Variants in GPC5 observed in about 807,000 individuals in gnomAD.
GPC5 encodes the protein glypican 5.
A neutral mutation model predicts 53.9 loss-of-function variants in GPC5; 47 were observed. The observed-to-expected ratio is 0.87, with a 90% CI of 0.69 to 1.11. The LOEUF is 1.11. Ranked by LOEUF, GPC5 falls within the 50% of genes most tolerant of loss-of-function variation. The pLI, the probability that GPC5 is intolerant of heterozygous loss-of-function variation, is 0.00. For synonymous variants in GPC5, 286 were observed against 263.3 expected (o/e 1.09, Z -0.84); for missense variants, 748 against 713.1 (o/e 1.05, Z -0.56).
chr13:91,701,323 A>G (rs1181956895), intron 3 of GPC5, among the ~76,000 whole-genome samples: 4 of 152,040 alleles, frequency 2.6e-5, no homozygotes, highest in African/African-American at 7.2e-5. Flanking sequence ...TGTCTAATTG[A>G]AACTTCTTAC....
At chr13:92,115,267 G>C (rs926320924) in intron 6 of GPC5, among the ~76,000 whole-genome samples, 2 of 152,142 alleles carry the variant, frequency 1.3e-5, no homozygotes, top group African/African-American at 4.8e-5. Flanking sequence ...CCAACACTTC[G>C]GGAGGCCGAG....
chr13:91,652,380 G>A (rs562967811), intron 2 of GPC5, among the ~76,000 whole-genome samples: 2 of 152,066 alleles, frequency 1.3e-5, no homozygotes, highest in Non-Finnish European at 2.9e-5. Flanking sequence ...TATTAAGTGG[G>A]GAACTTTTAC....
chr13:91,546,407 A>C (rs1220106426), intron 2 of GPC5, among the ~76,000 whole-genome samples: 1 of 152,146 alleles, frequency 6.6e-6, no homozygotes, highest in Non-Finnish European at 1.5e-5. Context: ...ATTATAAGGC[A>C]GACCTTAAAT....
chr13:92,822,696 C>T (rs1170462601), intron 7 of GPC5, among the ~76,000 whole-genome samples: 3 of 151,980 alleles, frequency 2.0e-5, no homozygotes, highest in Admixed American at 6.6e-5. Flanking sequence ...GCATCACGTA[C>T]TTGGATAAAG....
chr13:92,054,017 A>G (rs1480393311), intron 6 of GPC5, among the ~76,000 whole-genome samples: 1 of 146,254 alleles, frequency 6.8e-6, no homozygotes. Flanking sequence ...GGGCAAGAAG[A>G]GTGAAATTCC....
intron 7 of GPC5, among the ~76,000 whole-genome samples, chr13:92,791,425 G>C (rs1007600857): frequency 7.7e-6 from 1 of 129,952 alleles, no homozygotes; most frequent in Admixed American, 7.9e-5. Context: ...GTGAGTGTGT[G>C]GGGGGGGGCG....
chr13:91,844,977 A>G (rs1392339361), intron 5 of GPC5, among the ~76,000 whole-genome samples: 2 of 152,176 alleles, frequency 1.3e-5, no homozygotes, highest in African/African-American at 4.8e-5. Context: ...TTAATATTGA[A>G]GAGTTGTAAT....
intron 2 of GPC5, among the ~76,000 whole-genome samples, chr13:91,466,920 G>A (rs896513251): frequency 6.6e-6 from 1 of 152,174 alleles, no homozygotes; most frequent in East Asian, 1.9e-4. Flanking sequence ...TGTTTATTTA[G>A]TATATATTGA....
At chr13:92,660,817 A>G (rs1300532434) in intron 7 of GPC5, among the ~76,000 whole-genome samples, 2 of 152,204 alleles carry the variant, frequency 1.3e-5, no homozygotes, top group African/African-American at 2.4e-5. Flanking sequence ...GTATTTCCCA[A>G]TACAGTATTA....
chr13:91,728,185 T>C (rs77592259), intron 3 of GPC5, among the ~76,000 whole-genome samples: 2 of 152,140 alleles, frequency 1.3e-5, no homozygotes, highest in Admixed American at 6.5e-5. Context: ...AGGACAAGTA[T>C]GTGATTAGTT....
At chr13:92,247,675 G>T (rs1777189224) in intron 7 of GPC5, among the ~76,000 whole-genome samples, 1 of 152,120 alleles carries the variant, frequency 6.6e-6, no homozygotes, top group Admixed American at 6.6e-5. Flanking sequence ...AGTGATTTGT[G>T]TGTGTCTGTG....
chr13:91,744,579 G>T (rs1242461867), intron 4 of GPC5, among the ~76,000 whole-genome samples: 2 of 152,102 alleles, frequency 1.3e-5, no homozygotes, highest in East Asian at 3.8e-4. Flanking sequence ...AGGTAAACAG[G>T]AATATCTGAT....
At chr13:92,213,603 G>A (rs2042390347) in intron 7 of GPC5, among the ~76,000 whole-genome samples, 1 of 152,152 alleles carries the variant, frequency 6.6e-6, no homozygotes, top group African/African-American at 2.4e-5. Flanking sequence ...TTATAAAGCA[G>A]AGGGTGTTAT....
At chr13:92,367,734 T>G (rs1486688308) in intron 7 of GPC5, among the ~76,000 whole-genome samples, 1 of 152,214 alleles carries the variant, frequency 6.6e-6, no homozygotes, top group Non-Finnish European at 1.5e-5. Flanking sequence ...TAAAAACATA[T>G]TTTCCCATTC....
At chr13:92,754,456 C>G (rs1298020859) in intron 7 of GPC5, among the ~76,000 whole-genome samples, 1 of 151,910 alleles carries the variant, frequency 6.6e-6, no homozygotes, top group Non-Finnish European at 1.5e-5. Context: ...ATCATAATGA[C>G]AGGATCAAAT....
chr13:91,792,555 T>C (rs143035191), intron 5 of GPC5, among the ~76,000 whole-genome samples: 1 of 152,300 alleles, frequency 6.6e-6, no homozygotes, highest in East Asian at 1.9e-4. Context: ...ATGAGTGAAA[T>C]AGTATCATTT....
intron 5 of GPC5, among the ~76,000 whole-genome samples, chr13:91,839,752 A>G (rs999808678): frequency 2.0e-5 from 3 of 152,078 alleles, no homozygotes; most frequent in Non-Finnish European, 4.4e-5. Context: ...AGAAGATGTA[A>G]TCATTTCAAT....
chr13:91,458,774 T>A (rs568470558), intron 2 of GPC5, among the ~76,000 whole-genome samples: 74 of 152,144 alleles, frequency 4.9e-4, no homozygotes, highest in African/African-American at 1.8e-3. Context: ...CAGCACAATT[T>A]GCAATTGCAA....
chr13:91,590,151 T>A (rs975575932), intron 2 of GPC5, among the ~76,000 whole-genome samples: 11 of 151,740 alleles, frequency 7.2e-5, no homozygotes. Flanking sequence ...AAAAAGTTCT[T>A]TATTTTTATT....
Sources: allele counts gnomAD v4.1 joint callset (sites outside exome capture counted in the v4.1 genomes callset), GRCh38; gene constraint gnomAD v4.1.1; transcripts MANE v1.5; gene names NCBI Gene and HGNC (gene_info 2026-07-23, HGNC 2026-07-21).